Variants in RORA observed in about 807,000 individuals in gnomAD.
RORA encodes the protein RAR related orphan receptor A, also known as nuclear receptor ROR-alpha.
A neutral mutation model predicts 69.5 loss-of-function variants in RORA; 7 were observed. The observed-to-expected ratio is 0.10, with a 90% CI of 0.06 to 0.19. RORA has a LOEUF of 0.19. Ranked by LOEUF, RORA falls within the 10% of genes least tolerant of loss-of-function variation. The pLI is 1.00. For missense variants in RORA, 457 were observed against 663.0 expected (o/e 0.69, Z 3.41); for synonymous variants, 261 against 240.8 (o/e 1.08, Z -0.78).
intron 1 of RORA, among the ~76,000 whole-genome samples, chr15:60,803,639 A>G (rs984049145): frequency 1.3e-5 from 2 of 152,160 alleles, no homozygotes; most frequent in African/African-American, 4.8e-5. Context: ...CTGTCAAATC[A>G]TCTTTCTGGG....
intron 1 of RORA, among the ~76,000 whole-genome samples, chr15:60,782,813 C>T (rs757044500): frequency 3.3e-5 from 5 of 152,126 alleles, no homozygotes; most frequent in Non-Finnish European, 5.9e-5. Flanking sequence ...TTTCAGTTTT[C>T]GGAAATAATA....
chr15:60,780,829 G>A (rs531794048), intron 1 of RORA, among the ~76,000 whole-genome samples: 2 of 152,296 alleles, frequency 1.3e-5, no homozygotes, highest in East Asian at 3.9e-4. Flanking sequence ...CTACATGCTA[G>A]TGTCACCCAT....
At chr15:61,038,155 C>A (rs1896558140) in intron 1 of RORA, among the ~76,000 whole-genome samples, 1 of 152,062 alleles carries the variant, frequency 6.6e-6, no homozygotes, top group South Asian at 2.1e-4. Flanking sequence ...CAAAGCAAAC[C>A]CTCTGCATTA....
intron 1 of RORA, among the ~76,000 whole-genome samples, chr15:60,977,222 T>G (rs1893900085): frequency 6.6e-6 from 1 of 152,020 alleles, no homozygotes; most frequent in South Asian, 2.1e-4. Context: ...ATATATTTAG[T>G]TTGAGGTACT....
At chr15:60,921,991 A>G (rs1266657505) in intron 1 of RORA, among the ~76,000 whole-genome samples, 2 of 152,252 alleles carry the variant, frequency 1.3e-5, no homozygotes, top group Admixed American at 6.5e-5. Flanking sequence ...CTGAGCTTCA[A>G]TAATTATCAG....
At chr15:60,897,661 A>T (rs1326814050) in intron 1 of RORA, among the ~76,000 whole-genome samples, 2 of 152,208 alleles carry the variant, frequency 1.3e-5, no homozygotes, top group African/African-American at 4.8e-5. Context: ...AAGCCTTTGG[A>T]TTTCCCTATG....
At chr15:60,532,653 TA>T (rs2066560511) in intron 2 of RORA, among the ~76,000 whole-genome samples, 1 of 152,068 alleles carries the variant, frequency 6.6e-6, no homozygotes, top group African/African-American at 2.4e-5. Context: ...ACCTCAGAGT[TA>T]AAAAGAGCAT....
At chr15:60,664,396 T>G (rs145501347) in intron 2 of RORA, among the ~76,000 whole-genome samples, 6 of 152,214 alleles carry the variant, frequency 3.9e-5, no homozygotes, top group African/African-American at 1.4e-4. Flanking sequence ...CAGCACAAAA[T>G]GAAGATAGCT....
intron 3 of RORA, among the ~76,000 whole-genome samples, chr15:60,527,802 A>G (rs1490883502): frequency 6.6e-6 from 1 of 152,184 alleles, no homozygotes; most frequent in Non-Finnish European, 1.5e-5. Flanking sequence ...TAGCCACAGA[A>G]AGTGACCCTT....
At position 60,534,801 on chromosome 15, in the gene RORA, C is replaced by G. The variant is rs930186241; in HGVS notation, c.197-2950G>C. ...CACACGTGTTGATATTCCCAGAAAG[C>G]GAGCATTTGCAGATTGGAGCAGGGC... On this transcript the variant is annotated intron_variant, in intron 2 of 10. Coordinates refer to ENST00000335670, the MANE Select transcript of RORA (RefSeq NM_134261.3). This position sits in a 1 kb window ranked among gnomAD's most constrained non-coding sequence, Gnocchi z 5.0. Among the ~76,000 whole-genome samples, 9 of 152,118 alleles carry G rather than the reference C, an allele frequency of 5.9e-5. No homozygotes were observed. Among genetic ancestry groups the G allele is most frequent in the Admixed American group, 2.6e-4 (4 of 15,280 alleles).
chr15:60,686,700 GT>G (rs1195330521), intron 1 of RORA: 1 of 152,156 alleles, frequency 6.6e-6, no homozygotes, highest in Non-Finnish European at 1.5e-5. Context: ...TGTTAAATCT[GT>G]TTATCTTTGT....
chr15:61,010,700 T>C (rs1194824909), intron 1 of RORA, among the ~76,000 whole-genome samples: 2 of 152,116 alleles, frequency 1.3e-5, no homozygotes, highest in Non-Finnish European at 2.9e-5. Flanking sequence ...ACCTCTGAAA[T>C]GGAAATAAAA....
At chr15:60,811,408 T>C (rs1567199121) in intron 1 of RORA, among the ~76,000 whole-genome samples, 2 of 152,248 alleles carry the variant, frequency 1.3e-5, no homozygotes, top group African/African-American at 2.4e-5. Flanking sequence ...TTCCATCTGC[T>C]TTCCAGCTCC....
chr15:61,224,696 G>A (rs908458259), intron 1 of RORA, among the ~76,000 whole-genome samples: 4 of 152,176 alleles, frequency 2.6e-5, no homozygotes, highest in African/African-American at 9.7e-5. Context: ...CTGGACAGAG[G>A]GCAGTTTGCT....
intron 1 of RORA, among the ~76,000 whole-genome samples, chr15:60,847,394 C>T (rs2073277780): frequency 6.6e-6 from 1 of 152,036 alleles, no homozygotes; most frequent in African/African-American, 2.4e-5. Flanking sequence ...CTAGAATCTC[C>T]TGTTCCATCC....
chr15:61,084,309 C>A (rs965618733), intron 1 of RORA, among the ~76,000 whole-genome samples: 1 of 152,142 alleles, frequency 6.6e-6, no homozygotes, highest in African/African-American at 2.4e-5. Flanking sequence ...ATTCACCCAC[C>A]ATGTCAGGAA....
intron 1 of RORA, among the ~76,000 whole-genome samples, chr15:60,715,799 A>G (rs886584220): frequency 2.0e-5 from 3 of 152,178 alleles, no homozygotes; most frequent in Non-Finnish European, 4.4e-5. Context: ...TTAATAGCCA[A>G]AAATCCCTCT....
At chr15:60,716,152 T>C (rs1302501249) in intron 1 of RORA, among the ~76,000 whole-genome samples, 4 of 152,224 alleles carry the variant, frequency 2.6e-5, no homozygotes, top group Admixed American at 1.3e-4. Flanking sequence ...TGCCGAGTGA[T>C]GCCACAACTT....
At chr15:61,209,949 G>A (rs552952556) in intron 1 of RORA, among the ~76,000 whole-genome samples, 1 of 152,252 alleles carries the variant, frequency 6.6e-6, no homozygotes, top group African/African-American at 2.4e-5. Context: ...AAATAGAACT[G>A]CATATTTAGC....
Sources: gnomAD v4.1 joint callset for allele counts (sites outside exome capture counted in the v4.1 genomes callset) on GRCh38, gnomAD v4.1.1 for gene constraint, Gnocchi (gnomAD v3.1) non-coding constraint, MANE v1.5 for transcripts, NCBI Gene and HGNC (gene_info 2026-07-23, HGNC 2026-07-21) for gene names.